Variants in SYNPO2 observed in about 807,000 individuals in gnomAD.
The protein encoded by SYNPO2 is synaptopodin-2.
A neutral mutation model predicts 85.0 loss-of-function variants in SYNPO2; 56 were observed. That is an observed-to-expected ratio of 0.66 (90% CI 0.53 to 0.82). The LOEUF (loss-of-function observed/expected upper bound fraction) is 0.82, where lower values mean the gene tolerates loss of function less well. SYNPO2 is among the 40% of genes least tolerant of loss of function. The pLI is 0.00. For missense variants in SYNPO2, 1,575 were observed against 1,534.2 expected (o/e 1.03, Z -0.44); for synonymous variants, 602 against 591.1 (o/e 1.02, Z -0.27).
intron 1 of SYNPO2, among the ~76,000 whole-genome samples, chr4:118,986,205 A>C (rs576776929): frequency 6.6e-6 from 1 of 152,298 alleles, no homozygotes; most frequent in African/African-American, 2.4e-5. Flanking sequence ...AACCTTTCTA[A>C]AAGTAATCAG....
intron 1 of SYNPO2, among the ~76,000 whole-genome samples, chr4:118,893,478 A>G (rs1732440065): frequency 6.6e-6 from 1 of 152,200 alleles, no homozygotes; most frequent in African/African-American, 2.4e-5. Flanking sequence ...AGATGAGGAA[A>G]TTGTGGCACA....
At chr4:118,980,376 C>T (rs546116218) in intron 1 of SYNPO2, among the ~76,000 whole-genome samples, 9 of 152,230 alleles carry the variant, frequency 5.9e-5, no homozygotes, top group African/African-American at 2.2e-4. Flanking sequence ...GCTGGCTTTT[C>T]TGGTAGAGTC....
chr4:118,992,862 C>G (rs368344299), intron 1 of SYNPO2, among the ~76,000 whole-genome samples: 3 of 152,324 alleles, frequency 2.0e-5, no homozygotes, highest in Admixed American at 6.5e-5. Context: ...TTTTGGGACC[C>G]TGACTTCTCT....
intron 1 of SYNPO2, among the ~76,000 whole-genome samples, chr4:118,921,637 C>G (rs950010042): frequency 2.6e-5 from 4 of 152,112 alleles, no homozygotes; most frequent in Non-Finnish European, 5.9e-5. Flanking sequence ...CCACTCCCTC[C>G]ATAGCAAAGC....
intron 1 of SYNPO2, among the ~76,000 whole-genome samples, chr4:119,007,231 T>TATGTATATAC (rs1553945919): frequency 0.011 from 532 of 49,124 alleles, 21 homozygotes; most frequent in African/African-American, 0.048. Context: ...TATATATATA[T>TATGTATATAC]ATATATATAT....
chr4:118,948,088 C>G (rs1578576195), intron 1 of SYNPO2, among the ~76,000 whole-genome samples: 1 of 152,126 alleles, frequency 6.6e-6, no homozygotes, highest in Admixed American at 6.5e-5. Context: ...TTTTCCCTCT[C>G]TAGAATTTTT....
intron 4 of SYNPO2, chr4:119,032,800 G>A (rs765994076): frequency 3.4e-6 from 3 of 871,658 alleles, no homozygotes; most frequent in Non-Finnish European, 4.1e-6. Context: ...TAGGAGGACT[G>A]CTTGAGGCCG....
At chr4:118,945,022 A>C (rs1444029656) in intron 1 of SYNPO2, among the ~76,000 whole-genome samples, 1 of 152,182 alleles carries the variant, frequency 6.6e-6, no homozygotes, top group Non-Finnish European at 1.5e-5. Context: ...AAAACTTGAA[A>C]CATGCATAAT....
intron 4 of SYNPO2, among the ~76,000 whole-genome samples, chr4:119,044,659 C>T (rs1441472854): frequency 6.6e-6 from 1 of 152,166 alleles, no homozygotes; most frequent in African/African-American, 2.4e-5. Context: ...TTTTAAACCT[C>T]ACTCTGGGGT....
chr4:119,011,359 G>A (rs1342837206), intron 1 of SYNPO2, among the ~76,000 whole-genome samples: 1 of 152,188 alleles, frequency 6.6e-6, no homozygotes, highest in Admixed American at 6.5e-5. Context: ...AAGTTTTACT[G>A]ATTGCCTTAT....
chr4:119,035,913 C>A, intron 4 of SYNPO2: 1 of 984,748 alleles, frequency 1.0e-6, no homozygotes, highest in African/African-American at 1.7e-5. Context: ...GGTTAAAGAA[C>A]TTTGAAGGTC....
chr4:118,929,892 G>A (rs955052804), intron 1 of SYNPO2, among the ~76,000 whole-genome samples: 13 of 151,956 alleles, frequency 8.6e-5, no homozygotes, highest in Non-Finnish European at 1.6e-4. Context: ...TAGAAGAAAA[G>A]GGAAAAGGAC....
chr4:118,962,060 T>C (rs1453111460), intron 1 of SYNPO2, among the ~76,000 whole-genome samples: 1 of 152,182 alleles, frequency 6.6e-6, no homozygotes, highest in East Asian at 1.9e-4. Flanking sequence ...GTGTTCGCTT[T>C]TGCTCCCTTT....
At chr4:118,961,533 T>A (rs1033890280) in intron 1 of SYNPO2, among the ~76,000 whole-genome samples, 3 of 152,232 alleles carry the variant, frequency 2.0e-5, no homozygotes, top group Admixed American at 6.5e-5. Context: ...AAGAGAGGCA[T>A]TCTCCAACGA....
chr4:119,012,016 G>A (rs543224975), intron 1 of SYNPO2, among the ~76,000 whole-genome samples: 47 of 141,534 alleles, frequency 3.3e-4, no homozygotes, highest in African/African-American at 1.1e-3. Flanking sequence ...TCCACATCCC[G>A]GATTCAAGTA....
At chr4:118,924,363 CA>C (rs144146935) in intron 1 of SYNPO2, among the ~76,000 whole-genome samples, 2,017 of 152,238 alleles carry the variant, frequency 0.013, 42 homozygotes, top group African/African-American at 0.045. Context: ...TGGTGTTGGC[CA>C]TTGCCTTTTA....
At chr4:119,052,240 G>C (rs1283935420) in intron 4 of SYNPO2, among the ~76,000 whole-genome samples, 1 of 152,192 alleles carries the variant, frequency 6.6e-6, no homozygotes, top group African/African-American at 2.4e-5. Context: ...GCCAGTCCAG[G>C]CTAGGAGCAA....
intron 1 of SYNPO2, among the ~76,000 whole-genome samples, chr4:119,022,346 G>A (rs963885801): frequency 6.6e-6 from 1 of 151,794 alleles, no homozygotes; most frequent in Admixed American, 6.6e-5. Flanking sequence ...TAATAATAAT[G>A]TTTTAAGACG....
At chr4:119,036,505 AG>A in intron 4 of SYNPO2, 1 of 985,464 alleles carries the variant, frequency 1.0e-6, no homozygotes. Context: ...ATGTCCTACC[AG>A]GGTTGGCCAA....
Sources: gnomAD v4.1 joint callset for allele counts (sites outside exome capture counted in the v4.1 genomes callset) on GRCh38, gnomAD v4.1.1 for gene constraint, MANE v1.5 for transcripts, NCBI Gene and HGNC (gene_info 2026-07-23, HGNC 2026-07-21) for gene names.